The following LRRIQ1 variants were observed in gnomAD, a reference collection of about 807,000 sequenced individuals.
LRRIQ1 encodes the protein leucine-rich repeat- and IQ domain-containing protein 1.
A neutral mutation model predicts 211.9 loss-of-function variants in LRRIQ1; 210 were observed. The observed-to-expected ratio is 0.99, with a 90% CI of 0.89 to 1.11. The LOEUF (loss-of-function observed/expected upper bound fraction) is 1.11. Ranked by LOEUF, LRRIQ1 falls within the 50% of genes most tolerant of loss-of-function variation. LRRIQ1 has a pLI of 0.00. For synonymous variants in LRRIQ1, 699 were observed against 650.1 expected (o/e 1.08, Z -1.14); for missense variants, 2,136 against 1,939.5 (o/e 1.10, Z -1.90).
intron 19 of LRRIQ1, among the ~76,000 whole-genome samples, chr12:85,141,930 C>G (rs1305790676): frequency 2.2e-5 from 2 of 90,102 alleles, no homozygotes; most frequent in Non-Finnish European, 4.1e-5. Context: ...GTGCTTCATT[C>G]TTTCCTGCCA....
At chr12:85,162,738 A>G (rs569715732) in intron 24 of LRRIQ1, 116 of 456,022 alleles carry the variant, frequency 2.5e-4, no homozygotes, top group South Asian at 1.6e-3. Context: ...GTGATGTTCT[A>G]TGATTTTGTT....
chr12:85,173,699 T>A (rs1285060969), intron 24 of LRRIQ1, among the ~76,000 whole-genome samples: 1 of 151,982 alleles, frequency 6.6e-6, no homozygotes, highest in Non-Finnish European at 1.5e-5. Flanking sequence ...CTCTTCTTCT[T>A]CTTATAGGAC....
At chr12:85,224,328 G>C (rs1894544593) in intron 24 of LRRIQ1, among the ~76,000 whole-genome samples, 4 of 152,000 alleles carry the variant, frequency 2.6e-5, no homozygotes, top group Admixed American at 2.6e-4. Context: ...CATTGTGGAA[G>C]ACAGTGTGGC....
intron 19 of LRRIQ1, among the ~76,000 whole-genome samples, chr12:85,138,593 A>G (rs1023108301): frequency 6.6e-6 from 1 of 151,500 alleles, no homozygotes; most frequent in Admixed American, 6.6e-5. Context: ...AAATTATCCT[A>G]AACTGCATTT....
intron 24 of LRRIQ1, 44 bp from the exon 25 acceptor site, chr12:85,229,473 G>A (rs759997990): frequency 5.3e-6 from 8 of 1,519,608 alleles, no homozygotes; most frequent in Non-Finnish European, 7.0e-6. Flanking sequence ...GCCAAAGTTT[G>A]GTCTCTTTAA....
At position 85,229,469 on chromosome 12, in the gene LRRIQ1, G is replaced by T. The variant is rs773848016; in HGVS notation, c.4823-48G>T. The T allele has an allele frequency of 1.0e-4, 158 of 1,517,592 alleles. No homozygotes were observed. In the Middle Eastern group the frequency reaches 1.8e-3, roughly 17 times the overall value. The allele number at this position is 1,517,592 out of a possible 1,614,324, so 94.0% of individuals were successfully genotyped here. ...GCACAGATGGAACTGGTTGGCCAAA[G>T]TTTGGTCTCTTTAAATAATAAGTAC... On this transcript the variant is annotated intron_variant, in intron 24 of 26. Coordinates refer to ENST00000393217, the MANE Select transcript of LRRIQ1 (RefSeq NM_001079910.2).
intron 24 of LRRIQ1, among the ~76,000 whole-genome samples, chr12:85,176,480 A>T (rs1891705760): frequency 6.6e-6 from 1 of 150,896 alleles, no homozygotes; most frequent in Non-Finnish European, 1.5e-5. Flanking sequence ...TTCTCAGTAA[A>T]CTATCGCAAG....
At chr12:85,061,304 A>G (rs985753737) in intron 8 of LRRIQ1, among the ~76,000 whole-genome samples, 3 of 151,774 alleles carry the variant, frequency 2.0e-5, no homozygotes, top group African/African-American at 4.8e-5. Context: ...ACATGTATCC[A>G]TAATTAATAC....
chr12:85,138,096 G>A lies in LRRIQ1; in HGVS notation c.4329+127G>A, dbSNP rs577121581. On this transcript the variant is annotated intron_variant, in intron 19 of 26. Transcript: ENST00000393217. ...TTACAGACTTTTTTCCTAACATTGA[G>A]AAACTTTTCCTAACATCATCTTCTT... The A allele has an allele frequency of 1.4e-5, 8 of 580,698 alleles. No homozygotes were observed. The South Asian group carries it at 2.2e-4, about 16-fold the overall frequency. The allele number at this position is 580,698 out of a possible 1,614,324, so 36.0% of individuals were successfully genotyped here. A position where few individuals can be genotyped will look rare whatever the true frequency, so the allele number is the denominator to read the frequency against.
At chr12:85,203,869 G>T (rs565929843) in intron 24 of LRRIQ1, among the ~76,000 whole-genome samples, 1 of 152,144 alleles carries the variant, frequency 6.6e-6, no homozygotes, top group Non-Finnish European at 1.5e-5. Context: ...ATTTTCCGAG[G>T]AGAAGGTCAA....
intron 11 of LRRIQ1, among the ~76,000 whole-genome samples, chr12:85,079,244 C>CTTTT (rs3058476): frequency 7.3e-4 from 76 of 103,564 alleles, no homozygotes; most frequent in African/African-American, 1.7e-3. Flanking sequence ...GTATCTTTAT[C>CTTTT]TTTTTTTTTT....
rs540632569 is a variant in LRRIQ1, at chr12:85,168,662, T to C, written c.4822+7948T>C. Among the ~76,000 whole-genome samples, 52 of 152,204 alleles carry C rather than the reference T, an allele frequency of 3.4e-4. No homozygotes were observed. The South Asian group carries it at 0.011, about 31-fold the overall frequency. On this transcript the variant is annotated intron_variant, in intron 24 of 26. Coordinates refer to ENST00000393217, the MANE Select transcript of LRRIQ1 (RefSeq NM_001079910.2). ...TTCCTGGACCTGTGAATCCTGGCTA[T>C]GGGAGAAAGAGTACCATATATTGGA...
chr12:85,190,079 A>T (rs1892425977), intron 24 of LRRIQ1, among the ~76,000 whole-genome samples: 2 of 142,658 alleles, frequency 1.4e-5, no homozygotes, highest in Non-Finnish European at 3.0e-5. Context: ...CATAATATGT[A>T]ATATAGTTAG....
intron 10 of LRRIQ1, among the ~76,000 whole-genome samples, chr12:85,067,718 G>GACCTT: frequency 6.6e-6 from 1 of 151,596 alleles, no homozygotes; most frequent in East Asian, 2.0e-4. Context: ...AGCCCGTCAG[G>GACCTT]ACCTTACTCC....
chr12:85,219,855 GCTGTC>G (rs573643558), intron 24 of LRRIQ1, among the ~76,000 whole-genome samples: 192 of 152,202 alleles, frequency 1.3e-3, no homozygotes, highest in African/African-American at 4.4e-3. Flanking sequence ...TCGTGCCAAT[GCTGTC>G]AACTTTCCAA....
chr12:85,102,071 CA>C (rs1380361102), intron 13 of LRRIQ1, among the ~76,000 whole-genome samples: 1 of 151,448 alleles, frequency 6.6e-6, no homozygotes, highest in Admixed American at 6.6e-5. Context: ...GGGTAGAGCA[CA>C]GAAACAATTT....
Position 85,056,624 on chromosome 12 carries a change from C to G in LRRIQ1, c.1831C>G (p.Gln611Glu). 1 of 1,594,318 alleles carries G rather than the reference C, an allele frequency of 6.3e-7. No homozygotes were observed. The highest frequency in any genetic ancestry group is 8.5e-7 in the Non-Finnish European group (1 of 1,172,076). Reference sequence around the variant, plus strand: ...GGATACTTTAGTTATTTCAGTGAAACAAAGATCACTCTCACTAACATCAGA... The same window carrying G: ...GGATACTTTAGTTATTTCAGTGAAAGAAAGATCACTCTCACTAACATCAGA... ...DKDTLVISVK[Q>E]RSLSLTSENS... Residue 611 changes from glutamine to glutamate, a missense_variant, in exon 8 of 27, where the codon CAA (glutamine) becomes GAA (glutamate). By Grantham distance (29) the Gln-to-Glu change is conservative. Transcript: ENST00000393217.
chr12:85,208,593 T>A (rs1338438929), intron 24 of LRRIQ1, among the ~76,000 whole-genome samples: 1 of 152,076 alleles, frequency 6.6e-6, no homozygotes, highest in Non-Finnish European at 1.5e-5. Flanking sequence ...ATCAAATGCA[T>A]AAAAATTGAT....
At chr12:85,199,134 G>A (rs1398555505) in intron 24 of LRRIQ1, among the ~76,000 whole-genome samples, 1 of 152,012 alleles carries the variant, frequency 6.6e-6, no homozygotes, top group Non-Finnish European at 1.5e-5. Flanking sequence ...CATTTATTAA[G>A]TATTTGTTTT....
Sources: allele counts gnomAD v4.1 joint callset (sites outside exome capture counted in the v4.1 genomes callset), GRCh38; gene constraint gnomAD v4.1.1; transcripts MANE v1.5; gene names NCBI Gene and HGNC (gene_info 2026-07-23, HGNC 2026-07-21).